The following ANAPC10 variants were observed in gnomAD, a reference collection of about 807,000 sequenced individuals.
ANAPC10 encodes the protein anaphase promoting complex subunit 10.
Under a neutral mutation model 22.0 loss-of-function variants are expected in ANAPC10, and 12 were observed. The ratio of observed to expected loss-of-function variants is 0.55; its 90% CI spans 0.35 to 0.88. The LOEUF is 0.88. Among genes scored for constraint, ANAPC10 ranks in the 40% least tolerant of loss-of-function variants. The pLI is 0.01. For missense variants in ANAPC10, 188 were observed against 220.9 expected (o/e 0.85, Z 0.94); for synonymous variants, 65 against 69.5 (o/e 0.94, Z 0.32).
intron 4 of ANAPC10, among the ~76,000 whole-genome samples, chr4:145,031,268 C>A (rs1484460024): frequency 6.6e-6 from 1 of 152,172 alleles, no homozygotes; most frequent in South Asian, 2.1e-4. Context: ...CTGACTGGAT[C>A]CAGTGAGCAA....
chr4:145,026,981 A>ATATAT (rs1736823749), intron 4 of ANAPC10, among the ~76,000 whole-genome samples: 1 of 36,016 alleles, frequency 2.8e-5, no homozygotes, highest in Non-Finnish European at 4.6e-5. Context: ...ATATATATAT[A>ATATAT]TATATATTTT....
intron 3 of ANAPC10, among the ~76,000 whole-genome samples, chr4:145,081,243 A>AG (rs1560924138): frequency 6.6e-6 from 1 of 151,636 alleles, no homozygotes; most frequent in African/African-American, 2.4e-5. Context: ...AAAAAAAAAA[A>AG]TTTTCCAAAT....
At chr4:145,014,820 G>A (rs1045602934) in intron 4 of ANAPC10, among the ~76,000 whole-genome samples, 1 of 152,136 alleles carries the variant, frequency 6.6e-6, no homozygotes, top group Non-Finnish European at 1.5e-5. Context: ...TGGATGGCCA[G>A]ACCCAGAAGA....
intron 4 of ANAPC10, among the ~76,000 whole-genome samples, chr4:145,032,000 C>T (rs969155071): frequency 6.6e-6 from 1 of 152,154 alleles, no homozygotes; most frequent in African/African-American, 2.4e-5. Flanking sequence ...TCGAGCAGGT[C>T]CGGAAGGCAC....
intron 4 of ANAPC10, among the ~76,000 whole-genome samples, chr4:145,028,989 G>C (rs1037960221): frequency 1.3e-5 from 2 of 152,132 alleles, no homozygotes; most frequent in African/African-American, 4.8e-5. Context: ...TGGAAAAACA[G>C]ACACAATCTC....
At chr4:145,035,424 C>T (rs1364728934) in intron 4 of ANAPC10, 1 of 152,228 alleles carries the variant, frequency 6.6e-6, no homozygotes. Flanking sequence ...ACATTCAAGA[C>T]AAGCAGGCGC....
intron 4 of ANAPC10, among the ~76,000 whole-genome samples, chr4:145,011,553 A>G (rs1734320979): frequency 6.6e-6 from 1 of 151,948 alleles, no homozygotes; most frequent in African/African-American, 2.4e-5. Flanking sequence ...AGGGAGGTGA[A>G]TGGTCTTTCT....
intron 4 of ANAPC10, among the ~76,000 whole-genome samples, chr4:145,003,210 G>T (rs1320438685): frequency 6.6e-6 from 1 of 152,054 alleles, no homozygotes; most frequent in Non-Finnish European, 1.5e-5. Context: ...CTCTTTTATG[G>T]CTGCACAGTA....
At chr4:145,095,883 A>G in intron 2 of ANAPC10, 102 bp downstream of exon 2, 1 of 1,506,534 alleles carries the variant, frequency 6.6e-7, no homozygotes. Context: ...TTAGGCATCC[A>G]CTGGGAGTCC....
At chr4:145,004,481 T>C (rs1238597014) in intron 4 of ANAPC10, among the ~76,000 whole-genome samples, 1 of 152,194 alleles carries the variant, frequency 6.6e-6, no homozygotes, top group Admixed American at 6.5e-5. Context: ...TGTGGGTTTG[T>C]CAAAGATGTC....
intron 4 of ANAPC10, among the ~76,000 whole-genome samples, chr4:145,048,072 T>C (rs1740588183): frequency 6.6e-6 from 1 of 152,300 alleles, no homozygotes; most frequent in African/African-American, 2.4e-5. Flanking sequence ...TATCAGAAAG[T>C]AGGCTGCTAG....
intron 4 of ANAPC10, among the ~76,000 whole-genome samples, chr4:145,040,714 C>T (rs1244021143): frequency 4.6e-5 from 7 of 151,710 alleles, no homozygotes; most frequent in African/African-American, 9.7e-5. Flanking sequence ...TGAACATCAC[C>T]GAAGTAATAA....
At chr4:145,043,147 T>C (rs1739765603) in intron 4 of ANAPC10, among the ~76,000 whole-genome samples, 2 of 151,590 alleles carry the variant, frequency 1.3e-5, no homozygotes, top group African/African-American at 2.4e-5. Context: ...CTATGGTCCA[T>C]CTAAAGCAAA....
chr4:145,085,997 G>A (rs921481727), intron 2 of ANAPC10, among the ~76,000 whole-genome samples: 2 of 152,020 alleles, frequency 1.3e-5, no homozygotes, highest in African/African-American at 4.8e-5. Flanking sequence ...GCAGGTGGCT[G>A]AAGCTCACCT....
Position 144,995,490 on chromosome 4 carries a change from A to G in ANAPC10, c.441T>C (p.Asn147=), listed in dbSNP as rs376933195. The G allele has an allele frequency of 6.8e-6, 11 of 1,613,696 alleles. No homozygotes were observed. The African/African-American group carries it at 1.5e-4, about 22-fold the overall frequency. ...IQIAVLANHQ[N]GRDTHMRQIK... Reference sequence around the variant, plus strand: ...TTTGTCTCATATGGGTGTCTCTTCCATTCTGGTGATTGGCTAGAACAGCAA... The same window carrying G: ...TTTGTCTCATATGGGTGTCTCTTCCGTTCTGGTGATTGGCTAGAACAGCAA... Residue 147 remains asparagine (N), a synonymous_variant, in exon 5 of 5, where the codon AAT becomes AAC. Coordinates refer to ENST00000507656, the MANE Select transcript of ANAPC10 (RefSeq NM_001256706.2).
At chr4:145,054,662 C>T (rs1270630992) in intron 4 of ANAPC10, among the ~76,000 whole-genome samples, 1 of 141,964 alleles carries the variant, frequency 7.0e-6, no homozygotes, top group African/African-American at 2.7e-5. Context: ...CGCGTGCGTG[C>T]AGCGCATGTG....
chr4:145,054,672 GTGTGTGTGTGCC>G lies in ANAPC10; in HGVS notation c.327+9888_327+9899del, dbSNP rs569295607. On this transcript the variant is annotated intron_variant, in intron 4 of 4. Coordinates refer to ENST00000507656, the MANE Select transcript of ANAPC10 (RefSeq NM_001256706.2). The stretch of plus-strand genomic sequence containing the variant: ...GCGCGCGCGTGCGTGCAGCGCATGT[GTGTGTGTGTGCC>G]TGTGTGTGTGCCTGTGTGTGTGTGC... Among the ~76,000 whole-genome samples the G allele has an allele frequency of 7.2e-3, 1,087 of 150,250 alleles. 7 individuals carry two copies. The highest frequency in any genetic ancestry group is 0.015 in the African/African-American group (593 of 40,372).
At position 145,009,268 on chromosome 4, in the gene ANAPC10, T is replaced by C. The variant is rs1016736561; in HGVS notation, c.328-13665A>G. ...AATGGCCATATTGCCCAAGGTAATT[T>C]ATAGATTCAATGTCATCCCCATCAA... On this transcript the variant is annotated intron_variant, in intron 4 of 4. Transcript: ENST00000507656. Among the ~76,000 whole-genome samples the C allele has an allele frequency of 2.0e-5, 3 of 152,144 alleles. 1 individual carries two copies. Among genetic ancestry groups the C allele is most frequent in the Non-Finnish European group, 2.9e-5 (2 of 68,040 alleles).
chr4:145,011,928 G>A (rs953186772), intron 4 of ANAPC10, among the ~76,000 whole-genome samples: 7 of 152,042 alleles, frequency 4.6e-5, no homozygotes, highest in Admixed American at 4.6e-4. Context: ...CTAGTTGAAA[G>A]CCTTGAGGGG....
Sources: allele counts gnomAD v4.1 joint callset (sites outside exome capture counted in the v4.1 genomes callset), GRCh38; gene constraint gnomAD v4.1.1; transcripts MANE v1.5; gene names NCBI Gene and HGNC (gene_info 2026-07-23, HGNC 2026-07-21).